Variants in AFAP1L1 observed in about 807,000 individuals in gnomAD.
AFAP1L1 encodes the protein actin filament-associated protein 1-like 1.
In AFAP1L1, 77 loss-of-function variants were observed where a neutral mutation model predicts 99.8. The ratio of observed to expected loss-of-function variants is 0.77; its 90% CI spans 0.64 to 0.93. The LOEUF (loss-of-function observed/expected upper bound fraction) is 0.93, where lower values mean the gene tolerates loss of function less well. Ranked by LOEUF, AFAP1L1 falls within the 40% of genes least tolerant of loss-of-function variation. The pLI is 0.00. For synonymous variants in AFAP1L1, 373 were observed against 395.3 expected (o/e 0.94, Z 0.67); for missense variants, 893 against 996.8 (o/e 0.90, Z 1.40).
Position 149,340,843 on chromosome 5 carries a change from T to C in AFAP1L1, c.*813T>C, listed in dbSNP as rs577737149. ...CTTACCTATGTTCTGACACTGAGGC[T>C]CTTGGAGCTATGGGTTAGAAATCCA... On this transcript the variant is annotated 3_prime_UTR_variant, in exon 19 of 19. Transcript: ENST00000296721. The C allele has an allele frequency of 4.6e-5, 7 of 152,242 alleles. No homozygotes were observed. Among genetic ancestry groups the C allele is most frequent in the African/African-American group, 1.7e-4 (7 of 41,576 alleles). 9.4% of individuals were successfully genotyped at this position (152,242 alleles called of 1,614,324 possible).
chr5:149,325,128 AAAC>A (rs1296818018), intron 15 of AFAP1L1, among the ~76,000 whole-genome samples: 2 of 152,222 alleles, frequency 1.3e-5, no homozygotes, highest in Non-Finnish European at 2.9e-5. Context: ...AAATTTATTA[AAAC>A]AAACAATTAC....
Position 149,310,155 on chromosome 5 carries a change from C to G in AFAP1L1, c.927+20C>G. The stretch of plus-strand genomic sequence containing the variant: ...CTGAAGGTGCGTGGCCTGCACCTGA[C>G]CTTCCCGCCTTCTCACCCTTTCTCT... On this transcript the variant is annotated intron_variant, in intron 8 of 18. Coordinates refer to ENST00000296721, the MANE Select transcript of AFAP1L1 (RefSeq NM_152406.4). 6.4e-7 allele frequency: 1 copy of G among 1,560,180 alleles called. No individual in the cohort carries two copies. Among genetic ancestry groups the G allele is most frequent in the South Asian group, 1.2e-5 (1 of 81,680 alleles).
chr5:149,292,259 T>G (rs902529746), intron 1 of AFAP1L1, among the ~76,000 whole-genome samples: 1 of 152,222 alleles, frequency 6.6e-6, no homozygotes, highest in African/African-American at 2.4e-5. Context: ...TCATTATCTT[T>G]GCGATCTCTA....
chr5:149,302,662 A>C, intron 5 of AFAP1L1, 136 bp downstream of exon 5: 1 of 800,850 alleles, frequency 1.2e-6, no homozygotes, highest in South Asian at 1.9e-5. Flanking sequence ...GCTTAGGAGA[A>C]GCTACCCTGG....
chr5:149,277,894 G>T (rs1755388478), intron 1 of AFAP1L1, among the ~76,000 whole-genome samples: 1 of 152,164 alleles, frequency 6.6e-6, no homozygotes, highest in Non-Finnish European at 1.5e-5. Flanking sequence ...TCCCTATGGA[G>T]GCTTCTCCTG....
At chr5:149,330,170 T>C (rs1175978760) in intron 16 of AFAP1L1, among the ~76,000 whole-genome samples, 1 of 152,258 alleles carries the variant, frequency 6.6e-6, no homozygotes, top group Non-Finnish European at 1.5e-5. Flanking sequence ...AGATGTCATT[T>C]TGAACCGCAC....
At position 149,340,347 on chromosome 5, in the gene AFAP1L1, A is replaced by G. The variant is rs1217950892; in HGVS notation, c.*317A>G. The G allele has an allele frequency of 3.4e-6, 1 of 292,986 alleles. No homozygotes were observed. The allele number at this position is 292,986 out of a possible 1,614,324, so 18.1% of individuals were successfully genotyped here. A position where few individuals can be genotyped will look rare whatever the true frequency, so the allele number is the denominator to read the frequency against. On this transcript the variant is annotated 3_prime_UTR_variant, in exon 19 of 19. Transcript: ENST00000296721. The stretch of plus-strand genomic sequence containing the variant: ...TCCCTTCTGAGGAAGGGAAGAAGTA[A>G]TGAAAGCACATGTGAATAACCCCTT...
intron 14 of AFAP1L1, among the ~76,000 whole-genome samples, chr5:149,322,196 A>G (rs1338704565): frequency 6.6e-6 from 1 of 152,170 alleles, no homozygotes; most frequent in Non-Finnish European, 1.5e-5. Context: ...AAGTTATGTC[A>G]CTTCTATCAC....
rs140803806 is a variant in AFAP1L1 at position 149,319,634 on chromosome 5, T to C, written c.1532T>C (p.Met511Thr). 9.9e-6 allele frequency: 16 copies of C among 1,613,240 alleles called. No homozygotes were observed. In the African/African-American group the frequency reaches 1.2e-4, roughly 12 times the overall value. The change falls in exon 13 of 19, where the codon ATG (methionine) becomes ACG (threonine). Residue 511 changes from methionine to threonine, a missense_variant. Physicochemically the swap from Met to Thr is moderately conservative, Grantham distance 81. Transcript: ENST00000296721. The stretch of plus-strand genomic sequence containing the variant: ...TGGCTCGGGCTGCTGCTGGTGGAGA[T>C]GGGCTCCAGAGTCACTCCGGAGGCG... ...GRWLGLLLVE[M>T]GSRVTPEALH... is the part of the protein sequence containing the mutation.
At chr5:149,276,476 C>T (rs1029545935) in intron 1 of AFAP1L1, among the ~76,000 whole-genome samples, 75 of 152,332 alleles carry the variant, frequency 4.9e-4, no homozygotes, top group African/African-American at 1.7e-3. Context: ...ACACCGCCTT[C>T]TACAGAACAA....
At chr5:149,321,337 C>T (rs1467252852) in intron 14 of AFAP1L1, among the ~76,000 whole-genome samples, 2 of 152,192 alleles carry the variant, frequency 1.3e-5, no homozygotes, top group Non-Finnish European at 2.9e-5. Context: ...GAGTCAGACT[C>T]AGGGCTGCTG....
At chr5:149,284,660 C>A (rs935888529) in intron 1 of AFAP1L1, among the ~76,000 whole-genome samples, 1 of 152,120 alleles carries the variant, frequency 6.6e-6, no homozygotes, top group African/African-American at 2.4e-5. Context: ...GCATGGGGCA[C>A]GTGAGGATCT....
chr5:149,273,245 G>C (rs1755193198), intron 1 of AFAP1L1, among the ~76,000 whole-genome samples: 1 of 150,674 alleles, frequency 6.6e-6, no homozygotes. Flanking sequence ...TATTAATAAT[G>C]GAAAATTCAT....
At chr5:149,324,120 C>A (rs1224028060) in intron 15 of AFAP1L1, among the ~76,000 whole-genome samples, 1 of 152,210 alleles carries the variant, frequency 6.6e-6, no homozygotes, top group East Asian at 1.9e-4. Flanking sequence ...CTGATGAATT[C>A]CAACAAGGTT....
chr5:149,283,428 A>G (rs1755581205), intron 1 of AFAP1L1, among the ~76,000 whole-genome samples: 1 of 152,164 alleles, frequency 6.6e-6, no homozygotes. Flanking sequence ...TTTTTTTCTG[A>G]CAGCACCGAA....
At chr5:149,295,802 G>T (rs563938953) in intron 1 of AFAP1L1, among the ~76,000 whole-genome samples, 1 of 152,306 alleles carries the variant, frequency 6.6e-6, no homozygotes, top group African/African-American at 2.4e-5. Context: ...CAGGGGGTTT[G>T]TAAGGTCCAG....
chr5:149,338,381 G>C (rs1757466891), intron 18 of AFAP1L1, among the ~76,000 whole-genome samples: 1 of 152,196 alleles, frequency 6.6e-6, no homozygotes, highest in African/African-American at 2.4e-5. Context: ...AGGATCACTT[G>C]AGCCCAGTGG....
chr5:149,330,954 AT>A (rs938173386), intron 16 of AFAP1L1, among the ~76,000 whole-genome samples: 5 of 151,732 alleles, frequency 3.3e-5, no homozygotes, highest in African/African-American at 4.8e-5. Context: ...TTGCATTAAA[AT>A]TTTTTTTTAA....
intron 7 of AFAP1L1, among the ~76,000 whole-genome samples, chr5:149,308,617 G>GCC (rs1756510843): frequency 6.6e-6 from 1 of 152,262 alleles, no homozygotes; most frequent in Admixed American, 6.5e-5. Context: ...CAACATCAAT[G>GCC]CATCTGAAAC....
Sources: gnomAD v4.1 joint callset for allele counts (sites outside exome capture counted in the v4.1 genomes callset) on GRCh38, gnomAD v4.1.1 for gene constraint, MANE v1.5 for transcripts, NCBI Gene and HGNC (gene_info 2026-07-23, HGNC 2026-07-21) for gene names.